Variants in MMP12 observed in about 807,000 individuals in gnomAD.
The protein encoded by MMP12 is macrophage metalloelastase.
MMP12 carries 51 observed loss-of-function variants against 45.2 expected under a neutral mutation model. The observed-to-expected ratio is 1.13, with a 90% CI of 0.90 to 1.42. MMP12 has a LOEUF of 1.42. Ranked by LOEUF, MMP12 falls within the 40% of genes most tolerant of loss-of-function variation. The pLI is 0.00. For missense variants in MMP12, 530 were observed against 570.8 expected (o/e 0.93, Z 0.73); for synonymous variants, 210 against 193.3 (o/e 1.09, Z -0.72).
intron 9 of MMP12, 49 bp downstream of exon 9, chr11:102,864,097 G>C (rs202004322): frequency 1.5e-6 from 2 of 1,341,290 alleles, no homozygotes; most frequent in Non-Finnish European, 2.1e-6. Flanking sequence ...AGGATTTATA[G>C]CTTTGAAATG....
At position 102,867,267 on chromosome 11, in the gene MMP12, T is replaced by C. The variant is rs782529881; in HGVS notation, c.911+3A>G. 5 of 1,587,922 alleles carry C rather than the reference T, an allele frequency of 3.1e-6. No individual in the cohort carries two copies. The South Asian group carries it at 4.7e-5, about 15-fold the overall frequency. On this transcript the variant is annotated splice_donor_region_variant and intron_variant, in intron 6 of 9. Transcript: ENST00000571244. ...TATTGGTTAGATATGAAAATGATCC[T>C]ACCTGTCTTTGAAGAAAAAGATCTT...
At position 102,869,877 on chromosome 11, in the gene MMP12, C is replaced by T. The variant is rs1254972620; in HGVS notation, c.625+1717G>A. Among the ~76,000 whole-genome samples, 3 of 152,128 alleles carry T rather than the reference C, an allele frequency of 2.0e-5. No homozygotes were observed. In the East Asian group the frequency reaches 5.8e-4, roughly 29 times the overall value. ...AAGGTTGCAGTGAGCTGAGATTGCA[C>T]CACTGCACTCCAGCCTGGGCAACAG... On this transcript the variant is annotated intron_variant, in intron 4 of 9. Coordinates refer to ENST00000571244, the MANE Select transcript of MMP12 (RefSeq NM_002426.6).
chr11:102,873,139 G>A, intron 1 of MMP12, 27 bp from the exon 2 acceptor site: 1 of 1,598,056 alleles, frequency 6.3e-7, no homozygotes, highest in Non-Finnish European at 8.5e-7. Context: ...ATTCAGCAAT[G>A]TGTAAGTACA....
At chr11:102,870,537 A>T (rs1486683982) in intron 4 of MMP12, among the ~76,000 whole-genome samples, 10 of 151,250 alleles carry the variant, frequency 6.6e-5, no homozygotes. Flanking sequence ...CTTTCTCCTC[A>T]TTTACTTTCC....
chr11:102,869,504 G>A (rs782104302), intron 4 of MMP12, among the ~76,000 whole-genome samples: 3 of 152,084 alleles, frequency 2.0e-5, no homozygotes, highest in Non-Finnish European at 2.9e-5. Context: ...GTGCTCAGGG[G>A]TTGAATTGTG....
Position 102,868,049 on chromosome 11 carries a change from C to T in MMP12, c.646G>A (p.Ala216Thr). 1 of 1,598,126 alleles carries T rather than the reference C, an allele frequency of 6.3e-7. No individual in the cohort carries two copies. The highest frequency in any genetic ancestry group is 8.5e-7 in the Non-Finnish European group (1 of 1,172,146). ...AAGGAATGGCCAATCTCGTGAACAGCAGTGAGGAACAAGTTTGTGCCTAAG... is the reference window on the plus strand; with the variant it reads ...AAGGAATGGCCAATCTCGTGAACAGTAGTGAGGAACAAGTTTGTGCCTAAG... ...HSGGTNLFLT[A>T]VHEIGHSLGL... Residue 216 changes from alanine to threonine, a missense_variant, in exon 5 of 10, where the codon GCT becomes ACT. Physicochemically the swap from Ala to Thr is moderately conservative, Grantham distance 58. Coordinates refer to ENST00000571244, the MANE Select transcript of MMP12 (RefSeq NM_002426.6).
Position 102,872,873 on chromosome 11 carries a change from G to A in MMP12, c.342C>T (p.Ile114=), listed in dbSNP as rs782816994. 3 of 1,613,764 alleles carry A rather than the reference G, an allele frequency of 1.9e-6. No individual in the cohort carries two copies. The highest frequency in any genetic ancestry group is 1.6e-4 in the Middle Eastern group (1 of 6,062). The change falls in exon 2 of 10, where the codon ATC becomes ATT. Residue 114 remains isoleucine, a synonymous_variant. Coordinates refer to ENST00000571244, the MANE Select transcript of MMP12 (RefSeq NM_002426.6). ...PGGPVWRKHY[I]TYRINNYTPD... ...ACATACACCAACGTTACCTGTAGGT[G>A]ATATAATGTTTCCTCCATACGGGCC...
In MMP12 at chr11:102,871,726, G is replaced by A; in HGVS notation, c.500-7C>T. The A allele has an allele frequency of 6.2e-7, 1 of 1,612,348 alleles. No homozygotes were observed. Among genetic ancestry groups the A allele is most frequent in the Non-Finnish European group, 8.5e-7 (1 of 1,179,166 alleles). Reference sequence around the variant, plus strand: ...GCATGGAAGTCTCCATGAGCTTTTGGAAAAGGAAAGAAAATTAGTCCTTCT... The same window carrying A: ...GCATGGAAGTCTCCATGAGCTTTTGAAAAAGGAAAGAAAATTAGTCCTTCT... On this transcript the variant is annotated splice_region_variant and splice_polypyrimidine_tract_variant and intron_variant, in intron 3 of 9. Transcript: ENST00000571244.
At chr11:102,874,490 T>G (rs376729998) in intron 1 of MMP12, among the ~76,000 whole-genome samples, 3 of 152,372 alleles carry the variant, frequency 2.0e-5, no homozygotes, top group South Asian at 2.1e-4. Flanking sequence ...ATCCTGCCAT[T>G]GTTCAGATCT....
At chr11:102,869,270 A>G (rs1859449831) in intron 4 of MMP12, among the ~76,000 whole-genome samples, 1 of 151,978 alleles carries the variant, frequency 6.6e-6, no homozygotes, top group Non-Finnish European at 1.5e-5. Context: ...AAGTGCAAAG[A>G]GTCTACACCT....
Position 102,865,791 on chromosome 11 carries a change from T to C in MMP12, c.1190A>G (p.Asp397Gly). 1 of 1,610,938 alleles carries C rather than the reference T, an allele frequency of 6.2e-7. No individual in the cohort carries two copies. The change falls in exon 8 of 10, where the codon GAT becomes GGT. Residue 397 changes from aspartate to glycine, a missense_variant. Asp to Gly is a moderately conservative substitution (Grantham distance 94). Coordinates refer to ENST00000571244, the MANE Select transcript of MMP12 (RefSeq NM_002426.6). This position sits in a 1 kb window ranked among gnomAD's most constrained non-coding sequence, Gnocchi z 4.1. ...PRFYRTYFFVDNQYWRYDERR... is the reference protein window; with the variant it reads ...PRFYRTYFFVGNQYWRYDERR... ...TAAAACTCACCTCCAATACTGGTTATCTACAAAGAAGTAGGTCCTATAAAA... is the reference window on the plus strand; with the variant it reads ...TAAAACTCACCTCCAATACTGGTTACCTACAAAGAAGTAGGTCCTATAAAA...
At chr11:102,868,698 A>G (rs1444772342) in intron 4 of MMP12, among the ~76,000 whole-genome samples, 2 of 152,228 alleles carry the variant, frequency 1.3e-5, no homozygotes, top group Admixed American at 6.5e-5. Flanking sequence ...AGATGAGGAA[A>G]CAGTATTTAT....
intron 4 of MMP12, among the ~76,000 whole-genome samples, chr11:102,869,758 A>C (rs1859459336): frequency 6.6e-6 from 1 of 152,148 alleles, no homozygotes. Context: ...CAAAAAAAAA[A>C]AAAAAATTAG....
intron 4 of MMP12, among the ~76,000 whole-genome samples, chr11:102,870,456 A>G (rs1052600274): frequency 1.3e-5 from 2 of 152,246 alleles, no homozygotes; most frequent in Non-Finnish European, 2.9e-5. Flanking sequence ...AGTATTTATA[A>G]AAGTATTGCC....
intron 4 of MMP12, among the ~76,000 whole-genome samples, chr11:102,871,223 T>C (rs1264255329): frequency 6.6e-6 from 1 of 151,938 alleles, no homozygotes; most frequent in Non-Finnish European, 1.5e-5. Flanking sequence ...GAGCAAGACC[T>C]TGTCTCAAAA....
Position 102,871,880 on chromosome 11 carries a change from C to G in MMP12, c.423G>C (p.Trp141Cys). The G allele has an allele frequency of 6.2e-7, 1 of 1,613,830 alleles. No individual in the cohort carries two copies. Among genetic ancestry groups the G allele is most frequent in the Non-Finnish European group, 8.5e-7 (1 of 1,179,800 alleles). Residue 141 changes from tryptophan to cysteine, a missense_variant, in exon 3 of 10, where the codon TGG becomes TGC. Trp to Cys is a radical substitution (Grantham distance 215). Coordinates refer to ENST00000571244, the MANE Select transcript of MMP12 (RefSeq NM_002426.6). ...TGAATTTCAAGGGGGTAACATTACT[C>G]CATACTTGGAAAGCTTTCCGGATTG... ...DYAIRKAFQV[W>C]SNVTPLKFSK...
chr11:102,866,577 T>C (rs1555008601), intron 6 of MMP12, 129 bp from the exon 7 acceptor site: 3 of 921,598 alleles, frequency 3.3e-6, no homozygotes, highest in Non-Finnish European at 4.9e-6. Context: ...GTTCCATGGA[T>C]GTCTGATGTT....
chr11:102,864,238 CT>C lies in MMP12; in HGVS notation c.1219del (p.Arg407AspfsTer3), dbSNP rs1555008205. 1.9e-6 allele frequency: 3 copies of C among 1,612,988 alleles called. No homozygotes were observed. The African/African-American group carries it at 4.0e-5, about 22-fold the overall frequency. On this transcript the variant is annotated frameshift_variant, in exon 9 of 10. Coordinates refer to ENST00000571244, the MANE Select transcript of MMP12 (RefSeq NM_002426.6). LOFTEE classifies it high-confidence loss of function. ...DNQYWRYDER[R>X]QMMDPGYPKL... ...GGGATAACCAGGGTCCATCATCTGT[CT>C]CCTTTCATCATACCTGAGCAAAGAA...
intron 5 of MMP12, among the ~76,000 whole-genome samples, chr11:102,867,645 T>TA (rs1555008770): frequency 6.6e-6 from 1 of 152,154 alleles, no homozygotes; most frequent in Non-Finnish European, 1.5e-5. Context: ...GTGTGGGCCT[T>TA]CATCAGTAAG....
Sources: gnomAD v4.1 joint callset for allele counts (sites outside exome capture counted in the v4.1 genomes callset) on GRCh38, gnomAD v4.1.1 for gene constraint, Gnocchi (gnomAD v3.1) non-coding constraint, MANE v1.5 for transcripts, NCBI Gene and HGNC (gene_info 2026-07-23, HGNC 2026-07-21) for gene names.